Variants in NRG1 observed in about 807,000 individuals in gnomAD.
NRG1 encodes the protein pro-neuregulin-1, membrane-bound isoform.
NRG1 carries 18 observed loss-of-function variants against 63.8 expected under a neutral mutation model. The ratio of observed to expected loss-of-function variants is 0.28; its 90% CI spans 0.19 to 0.42. NRG1 has a LOEUF of 0.42. Among genes scored for constraint, NRG1 ranks in the 10% least tolerant of loss-of-function variants. NRG1 has a pLI of 1.00. For synonymous variants in NRG1, 302 were observed against 301.3 expected, an observed-to-expected ratio of 1.00 and a Z score of -0.02; for missense variants, 762 against 814.7, an observed-to-expected ratio of 0.94 and a Z score of 0.79.
chr8:32,733,317 T>C (rs1257891533), intron 6 of NRG1, among the ~76,000 whole-genome samples: 1 of 152,178 alleles, frequency 6.6e-6, no homozygotes, highest in African/African-American at 2.4e-5. Context: ...TTTTGTATAA[T>C]GAATGTTTAT....
At chr8:32,489,393 A>G (rs534681123) in intron 1 of NRG1, among the ~76,000 whole-genome samples, 3 of 152,104 alleles carry the variant, frequency 2.0e-5, no homozygotes, top group Non-Finnish European at 2.9e-5. Context: ...GATTTTTCCT[A>G]TTTATAAAAA....
chr8:32,755,631 G>A (rs75772152), intron 8 of NRG1, among the ~76,000 whole-genome samples: 14,006 of 152,136 alleles, frequency 0.092, 761 homozygotes, highest in Admixed American at 0.1. Context: ...ATTCTCACGC[G>A]TATACATGGG....
intron 1 of NRG1, among the ~76,000 whole-genome samples, chr8:32,540,428 T>G (rs1832466122): frequency 6.6e-6 from 1 of 152,172 alleles, no homozygotes; most frequent in Non-Finnish European, 1.5e-5. Context: ...TCAGACTATC[T>G]TTTGGAAAAA....
chr8:32,057,563 T>C (rs749373479), intron 1 of NRG1, among the ~76,000 whole-genome samples: 3 of 152,184 alleles, frequency 2.0e-5, no homozygotes, highest in Non-Finnish European at 4.4e-5. Context: ...AAATGTTTCA[T>C]GTTCAGAGGT....
At chr8:32,734,591 G>A (rs920677900) in intron 6 of NRG1, among the ~76,000 whole-genome samples, 1 of 152,164 alleles carries the variant, frequency 6.6e-6, no homozygotes, top group African/African-American at 2.4e-5. Flanking sequence ...AGCAAGTGGT[G>A]GGACTCATGT....
At chr8:32,588,666 C>T (rs2439293) in intron 1 of NRG1, among the ~76,000 whole-genome samples, 143,960 of 152,290 alleles carry the variant, frequency 0.95, 68,575 homozygotes, top group East Asian at 1. Flanking sequence ...ACATAAGGAG[C>T]TGGACATGGA....
intron 3 of NRG1, among the ~76,000 whole-genome samples, chr8:32,612,363 A>G (rs1449615237): frequency 6.6e-6 from 1 of 152,114 alleles, no homozygotes; most frequent in Non-Finnish European, 1.5e-5. Context: ...CTTTCTTACT[A>G]GCAAGATTCT....
intron 1 of NRG1, among the ~76,000 whole-genome samples, chr8:31,870,580 T>C (rs1829389589): frequency 1.3e-5 from 2 of 152,300 alleles, no homozygotes; most frequent in Admixed American, 1.3e-4. Flanking sequence ...TATAGAATTT[T>C]AATTATGTAG....
At chr8:32,116,870 C>T (rs531456055) in intron 1 of NRG1, among the ~76,000 whole-genome samples, 9 of 148,012 alleles carry the variant, frequency 6.1e-5, no homozygotes, top group Middle Eastern at 3.6e-3. Context: ...AGGCCAGGTG[C>T]AGTGGTTTGT....
At chr8:31,790,387 T>G (rs996144050) in intron 1 of NRG1, among the ~76,000 whole-genome samples, 1 of 152,146 alleles carries the variant, frequency 6.6e-6, no homozygotes, top group Non-Finnish European at 1.5e-5. Flanking sequence ...GGGCTCACCG[T>G]TTGGCAATCC....
At chr8:32,181,869 G>A (rs1301605614) in intron 1 of NRG1, among the ~76,000 whole-genome samples, 1 of 152,114 alleles carries the variant, frequency 6.6e-6, no homozygotes, top group African/African-American at 2.4e-5. Flanking sequence ...AATATTAGTT[G>A]TTTACAAGGC....
At chr8:32,632,248 G>A (rs1261647481) in intron 5 of NRG1, among the ~76,000 whole-genome samples, 2 of 151,932 alleles carry the variant, frequency 1.3e-5, no homozygotes, top group African/African-American at 2.4e-5. Flanking sequence ...TTCACTAGAC[G>A]TGCCTTAATT....
intron 1 of NRG1, among the ~76,000 whole-genome samples, chr8:31,824,510 C>G (rs183994916): frequency 6.6e-6 from 1 of 152,154 alleles, no homozygotes; most frequent in Non-Finnish European, 1.5e-5. Flanking sequence ...TACATTCATA[C>G]GCATTGCTGA....
At chr8:32,428,771 G>T (rs1331202014) in intron 1 of NRG1, among the ~76,000 whole-genome samples, 4 of 152,172 alleles carry the variant, frequency 2.6e-5, no homozygotes, top group African/African-American at 9.7e-5. Context: ...TTCAGCAAAA[G>T]TAATGGATTG....
intron 5 of NRG1, among the ~76,000 whole-genome samples, chr8:32,617,721 T>C (rs1385886557): frequency 6.6e-6 from 1 of 152,212 alleles, no homozygotes; most frequent in Non-Finnish European, 1.5e-5. Flanking sequence ...TGTTCCTAGT[T>C]ATTCTATTTC....
intron 1 of NRG1, among the ~76,000 whole-genome samples, chr8:31,868,173 C>A (rs1005600843): frequency 1.3e-5 from 2 of 151,126 alleles, no homozygotes; most frequent in African/African-American, 4.9e-5. Context: ...CACACACACA[C>A]ACACACACAC....
At chr8:31,671,924 A>G (rs1203135418) in intron 1 of NRG1, among the ~76,000 whole-genome samples, 1 of 152,184 alleles carries the variant, frequency 6.6e-6, no homozygotes, top group African/African-American at 2.4e-5. Flanking sequence ...TCAGCAATAA[A>G]AAAAGATAGC....
At chr8:32,437,757 T>C (rs1269141218) in intron 1 of NRG1, among the ~76,000 whole-genome samples, 2 of 152,192 alleles carry the variant, frequency 1.3e-5, no homozygotes, top group African/African-American at 2.4e-5. Context: ...ATCATTATTT[T>C]ATACTATGTT....
chr8:31,910,058 C>T (rs759303713), intron 1 of NRG1, among the ~76,000 whole-genome samples: 1 of 152,196 alleles, frequency 6.6e-6, no homozygotes, highest in East Asian at 1.9e-4. Flanking sequence ...AAGAAAGAAA[C>T]AGAGTGCCCT....
Sources: gnomAD v4.1 joint callset for allele counts (sites outside exome capture counted in the v4.1 genomes callset) on GRCh38, gnomAD v4.1.1 for gene constraint, MANE v1.5 for transcripts, NCBI Gene and HGNC (gene_info 2026-07-23, HGNC 2026-07-21) for gene names.